The following USH2A variants were observed in gnomAD, a reference collection of about 807,000 sequenced individuals.
USH2A encodes the protein usherin.
Under a neutral mutation model 538.9 loss-of-function variants are expected in USH2A, and 443 were observed. The observed-to-expected ratio is 0.82, with a 90% CI of 0.76 to 0.89. The LOEUF (loss-of-function observed/expected upper bound fraction) is 0.89, where lower values mean the gene tolerates loss of function less well. Ranked by LOEUF, USH2A falls within the 40% of genes least tolerant of loss-of-function variation. USH2A has a pLI of 0.00. For synonymous variants in USH2A, 2,413 were observed against 2,273.5 expected, an observed-to-expected ratio of 1.06 and a Z score of -1.75; for missense variants, 6,633 against 6,324.8, an observed-to-expected ratio of 1.05 and a Z score of -1.65.
At chr1:215,725,352 G>A (rs1659779413) in intron 61 of USH2A, among the ~76,000 whole-genome samples, 1 of 152,130 alleles carries the variant, frequency 6.6e-6, no homozygotes, top group Non-Finnish European at 1.5e-5. Context: ...CTCCTACACA[G>A]GGACTGTGGG....
chr1:216,001,523 T>G (rs2102484069), intron 32 of USH2A, among the ~76,000 whole-genome samples: 1 of 152,324 alleles, frequency 6.6e-6, no homozygotes, highest in South Asian at 2.1e-4. Context: ...TTCATTACAC[T>G]TGGTAATCTA....
At chr1:216,196,045 A>G (rs1041251867) in intron 19 of USH2A, 4 of 175,332 alleles carry the variant, frequency 2.3e-5, no homozygotes, top group African/African-American at 9.6e-5. Context: ...ATATGACTGT[A>G]TATTCAAAAC....
chr1:216,146,664 C>T (rs997535015), intron 21 of USH2A, among the ~76,000 whole-genome samples: 25 of 152,112 alleles, frequency 1.6e-4, no homozygotes, highest in African/African-American at 6.0e-4. Flanking sequence ...ATTTCCGCAC[C>T]CTGACCTCTT....
chr1:216,362,982 T>G (rs981464662), intron 4 of USH2A, among the ~76,000 whole-genome samples: 1 of 151,300 alleles, frequency 6.6e-6, no homozygotes, highest in South Asian at 2.1e-4. Flanking sequence ...TATTATTTAC[T>G]GATATAGTTT....
At chr1:215,685,274 T>C (rs112187754) in intron 61 of USH2A, among the ~76,000 whole-genome samples, 8 of 152,108 alleles carry the variant, frequency 5.3e-5, no homozygotes, top group African/African-American at 1.9e-4. Context: ...AACCTTTAAG[T>C]TCCCCAAAAG....
chr1:215,993,073 G>C lies in USH2A; in HGVS notation c.6752C>G (p.Ser2251Ter), dbSNP rs1302722012. The C allele has an allele frequency of 6.2e-7, 1 of 1,614,094 alleles. No individual in the cohort carries two copies. The highest frequency in any genetic ancestry group is 8.5e-7 in the Non-Finnish European group (1 of 1,179,970). Residue 2251 changes from serine to a stop codon, truncating the protein, a stop_gained, in exon 35 of 72, where the codon TCA (serine) becomes TGA (stop). Transcript: ENST00000307340. LOFTEE classifies it high-confidence loss of function. The stretch of plus-strand genomic sequence containing the variant: ...GACATTAAAGGAGTCAGGTGAATAT[G>C]AGTGGGCTTTGGGGGCTGGCACGCC... ...PEGVPAPKAHSYSPDSFNVSW... is the reference protein window; with the variant it reads ...PEGVPAPKAH
chr1:215,866,647 C>G (rs1379612837), intron 44 of USH2A, among the ~76,000 whole-genome samples: 2 of 152,168 alleles, frequency 1.3e-5, no homozygotes, highest in Middle Eastern at 3.2e-3. Flanking sequence ...AATACATGGA[C>G]ATGTCTATCA....
At chr1:216,264,518 G>A (rs751741320) in intron 11 of USH2A, among the ~76,000 whole-genome samples, 2 of 152,030 alleles carry the variant, frequency 1.3e-5, no homozygotes, top group Non-Finnish European at 2.9e-5. Flanking sequence ...GGCTGGTCTC[G>A]AACTCCTGAC....
At chr1:215,890,836 C>T (rs1665190186) in intron 40 of USH2A, among the ~76,000 whole-genome samples, 1 of 152,136 alleles carries the variant, frequency 6.6e-6, no homozygotes, top group East Asian at 1.9e-4. Context: ...AAAAAACCCC[C>T]AAATCCCCTG....
intron 32 of USH2A, among the ~76,000 whole-genome samples, chr1:216,013,522 A>C (rs1331691876): frequency 6.6e-6 from 1 of 152,118 alleles, no homozygotes; most frequent in Non-Finnish European, 1.5e-5. Context: ...ACACATCCAG[A>C]TGGCCGGTTC....
intron 35 of USH2A, among the ~76,000 whole-genome samples, chr1:215,977,114 CA>C (rs1340813911): frequency 6.6e-6 from 1 of 151,376 alleles, no homozygotes; most frequent in Non-Finnish European, 1.5e-5. Context: ...CTAGAAAATA[CA>C]GAGAAAATTC....
chr1:215,844,457 TTGA>T lies in USH2A; in HGVS notation c.9092_9094del (p.Ile3031del), dbSNP rs764038940. 1.9e-6 allele frequency: 3 copies of T among 1,612,308 alleles called. No homozygotes were observed. Among genetic ancestry groups the T allele is most frequent in the Non-Finnish European group, 2.5e-6 (3 of 1,179,842 alleles). On this transcript the variant is annotated inframe_deletion, in exon 46 of 72. Coordinates refer to ENST00000307340, the MANE Select transcript of USH2A (RefSeq NM_206933.4). ...CCAGATGACACGTACAGCTGTACTG[TTGA>T]TGATGACAACCTCTGGAGGAAGCAT...
At chr1:215,676,497 A>G (rs1658032510) in intron 62 of USH2A, among the ~76,000 whole-genome samples, 1 of 152,124 alleles carries the variant, frequency 6.6e-6, no homozygotes, top group Admixed American at 6.6e-5. Context: ...GACTCTCAAG[A>G]GGGGACAGGA....
At chr1:215,885,226 T>TAA (rs5780862) in intron 41 of USH2A, among the ~76,000 whole-genome samples, 6 of 151,094 alleles carry the variant, frequency 4.0e-5, no homozygotes, top group South Asian at 4.2e-4. Flanking sequence ...CATCTATTGA[T>TAA]AAAAAAAAAC....
chr1:215,888,389 T>C, intron 41 of USH2A, 37 bp downstream of exon 41: 2 of 1,610,746 alleles, frequency 1.2e-6, no homozygotes, highest in Non-Finnish European at 8.5e-7. Context: ...GGTACATTCC[T>C]AAGTCTGCAA....
chr1:215,871,266 T>C (rs1571766688), intron 43 of USH2A, among the ~76,000 whole-genome samples: 1 of 152,336 alleles, frequency 6.6e-6, no homozygotes, highest in Non-Finnish European at 1.5e-5. Flanking sequence ...AAAATCTTAC[T>C]TGTGGAACAA....
chr1:216,197,714 T>C (rs1310134763), intron 18 of USH2A, among the ~76,000 whole-genome samples: 1 of 152,104 alleles, frequency 6.6e-6, no homozygotes, highest in Non-Finnish European at 1.5e-5. Flanking sequence ...TGTTTTAATA[T>C]AAAAAATAAA....
chr1:215,939,187 C>T (rs1030503029), intron 37 of USH2A, among the ~76,000 whole-genome samples: 3 of 152,186 alleles, frequency 2.0e-5, no homozygotes, highest in Non-Finnish European at 4.4e-5. Flanking sequence ...CTGTCACTAT[C>T]TTTCCACTGA....
At chr1:215,846,269 G>A (rs942666705) in intron 44 of USH2A, among the ~76,000 whole-genome samples, 2 of 152,186 alleles carry the variant, frequency 1.3e-5, no homozygotes, top group Non-Finnish European at 2.9e-5. Flanking sequence ...CTGGAGTGCA[G>A]TAGTGTAATC....
Sources: gnomAD v4.1 joint callset for allele counts (sites outside exome capture counted in the v4.1 genomes callset) on GRCh38, gnomAD v4.1.1 for gene constraint, MANE v1.5 for transcripts, NCBI Gene and HGNC (gene_info 2026-07-23, HGNC 2026-07-21) for gene names.